Variants in PKD1L1 observed in about 807,000 individuals in gnomAD.
PKD1L1 encodes polycystin-1-like protein 1.
PKD1L1 carries 236 observed loss-of-function variants against 323.4 expected under a neutral mutation model. That is an observed-to-expected ratio of 0.73 (90% CI 0.66 to 0.81). The LOEUF is 0.81. Ranked by LOEUF, PKD1L1 falls within the 40% of genes least tolerant of loss-of-function variation. PKD1L1 has a pLI of 0.00. For missense variants in PKD1L1, 3,320 were observed against 3,508.0 expected (o/e 0.95, Z 1.35); for synonymous variants, 1,344 against 1,335.0 (o/e 1.01, Z -0.15).
At chr7:47,862,769 G>C (rs1413897530) in intron 26 of PKD1L1, among the ~76,000 whole-genome samples, 1 of 152,182 alleles carries the variant, frequency 6.6e-6, no homozygotes, top group African/African-American at 2.4e-5. Context: ...ACCCCTGGAG[G>C]ATGGTTAGGA....
At chr7:47,795,901 T>A in intron 55 of PKD1L1, 88 bp downstream of exon 55, 3 of 1,461,264 alleles carry the variant, frequency 2.1e-6, no homozygotes, top group Non-Finnish European at 2.8e-6. Flanking sequence ...ATACTCATGC[T>A]TTGATAACTG....
chr7:47,897,852 GA>G, intron 14 of PKD1L1, 135 bp downstream of exon 14: 2 of 623,322 alleles, frequency 3.2e-6, no homozygotes, highest in Admixed American at 3.8e-5. Context: ...ATCCAATGCA[GA>G]TTTTTTTTTT....
At chr7:47,843,686 C>T (rs117201011) in intron 33 of PKD1L1, among the ~76,000 whole-genome samples, 190 of 152,250 alleles carry the variant, frequency 1.2e-3, no homozygotes, top group South Asian at 3.5e-3. Context: ...CTCTACCTAC[C>T]TGTTCCCAGG....
intron 42 of PKD1L1, 110 bp from the exon 43 acceptor site, chr7:47,830,234 C>T (rs115471515): frequency 1.5e-5 from 13 of 867,058 alleles, no homozygotes; most frequent in South Asian, 3.2e-5. Flanking sequence ...ATGGCCTCGC[C>T]GTGGCAGGAA....
At chr7:47,931,728 A>G (rs1787774542) in intron 5 of PKD1L1, among the ~76,000 whole-genome samples, 1 of 152,250 alleles carries the variant, frequency 6.6e-6, no homozygotes, top group Non-Finnish European at 1.5e-5. Context: ...GCTCTTACAG[A>G]AAGCAAAAAT....
chr7:47,855,875 CAA>C (rs536157879), intron 28 of PKD1L1, among the ~76,000 whole-genome samples: 8 of 32,532 alleles, frequency 2.5e-4, no homozygotes, highest in African/African-American at 8.1e-4. Context: ...GACTCCGTCT[CAA>C]AAAAAAAAAA....
chr7:47,810,880 T>C (rs1784877404), intron 50 of PKD1L1, among the ~76,000 whole-genome samples: 1 of 152,152 alleles, frequency 6.6e-6, no homozygotes, highest in Non-Finnish European at 1.5e-5. Context: ...CCCTAACTCC[T>C]AGTGTGGATA....
chr7:47,918,709 A>G (rs917355795), intron 7 of PKD1L1, among the ~76,000 whole-genome samples: 1 of 152,212 alleles, frequency 6.6e-6, no homozygotes, highest in Non-Finnish European at 1.5e-5. Flanking sequence ...ATCAACTCCA[A>G]AAGGAACATT....
At chr7:47,921,690 T>A (rs7809519) in intron 7 of PKD1L1, among the ~76,000 whole-genome samples, 2 of 116,578 alleles carry the variant, frequency 1.7e-5, no homozygotes, top group South Asian at 2.3e-4. Flanking sequence ...TATATATATA[T>A]AATGAGATAC....
chr7:47,897,423 C>T lies in PKD1L1; in HGVS notation c.2271+565G>A, dbSNP rs540859229. On this transcript the variant is annotated intron_variant, in intron 14 of 56. Coordinates refer to ENST00000289672, the MANE Select transcript of PKD1L1 (RefSeq NM_138295.5). ...TGGTCTTCTTCTAGCCTTTGCCAAG[C>T]TGTTGCCCCTCCCAATCCCTTTCTA... 3.3e-5 allele frequency among the ~76,000 whole-genome samples: 5 copies of T among 152,386 alleles called. No homozygotes were observed. The East Asian group carries it at 9.6e-4, about 29-fold the overall frequency.
intron 26 of PKD1L1, among the ~76,000 whole-genome samples, chr7:47,860,114 TC>T (rs1237262158): frequency 1.3e-5 from 2 of 152,248 alleles, no homozygotes; most frequent in African/African-American, 4.8e-5. Context: ...ATTATTTTTA[TC>T]CATGAACACT....
intron 25 of PKD1L1, among the ~76,000 whole-genome samples, chr7:47,865,913 TA>T (rs66987984): frequency 0.32 from 49,317 of 151,922 alleles, 8,586 homozygotes; most frequent in African/African-American, 0.43. Flanking sequence ...GCAACATTTT[TA>T]AAAAGAGGAA....
chr7:47,939,733 T>A (rs527470207), intron 3 of PKD1L1, among the ~76,000 whole-genome samples: 1 of 152,292 alleles, frequency 6.6e-6, no homozygotes, highest in South Asian at 2.1e-4. Context: ...CTGGAAGCCT[T>A]GTCTGTGCTG....
In PKD1L1 at chr7:47,839,656, A is replaced by C. The variant is rs1398812031; in HGVS notation, c.5559T>G (p.Pro1853=). Residue 1853 remains proline, a synonymous_variant, in exon 36 of 57, where the codon CCT becomes CCG. Transcript: ENST00000289672. This position sits in a 1 kb window ranked among gnomAD's most constrained non-coding sequence, Gnocchi z 4.3. ...TCTTCCTCAGCAGGCCCAGTTGGGC[A>C]GGAGCGCTGGAGGCACACACAGCAG... ...NSRHTFILSA[P]AQLGLLRKIR... is the part of the protein sequence containing the mutation. 6.4e-7 allele frequency: 1 copy of C among 1,565,768 alleles called. No individual in the cohort carries two copies.
intron 24 of PKD1L1, among the ~76,000 whole-genome samples, chr7:47,871,752 C>T (rs1423646847): frequency 6.6e-6 from 1 of 152,168 alleles, no homozygotes; most frequent in African/African-American, 2.4e-5. Context: ...ACACAACAAA[C>T]TAGGAATAGA....
At chr7:47,851,892 C>G (rs533107526) in intron 31 of PKD1L1, among the ~76,000 whole-genome samples, 3 of 152,038 alleles carry the variant, frequency 2.0e-5, no homozygotes, top group African/African-American at 7.2e-5. Context: ...TATAAAAACA[C>G]AGCAACAAAA....
intron 19 of PKD1L1, among the ~76,000 whole-genome samples, chr7:47,884,010 C>T (rs78010573): frequency 0.047 from 7,188 of 152,212 alleles, 402 homozygotes; most frequent in African/African-American, 0.14. Flanking sequence ...TGCCAGGGAC[C>T]GTGATCCATC....
intron 8 of PKD1L1, among the ~76,000 whole-genome samples, chr7:47,909,267 G>A (rs1264981092): frequency 6.6e-6 from 1 of 152,150 alleles, no homozygotes; most frequent in African/African-American, 2.4e-5. Flanking sequence ...TGTCACAGGA[G>A]CAAATCTGTA....
At chr7:47,858,153 C>T (rs1057054545) in intron 27 of PKD1L1, among the ~76,000 whole-genome samples, 13 of 152,232 alleles carry the variant, frequency 8.5e-5, no homozygotes, top group Middle Eastern at 3.4e-3. Context: ...AGAAGAGGAA[C>T]GCCAGAAGCC....
Sources: allele counts gnomAD v4.1 joint callset (sites outside exome capture counted in the v4.1 genomes callset), GRCh38; gene constraint gnomAD v4.1.1; non-coding constraint Gnocchi (gnomAD v3.1); transcripts MANE v1.5; gene names NCBI Gene and HGNC (gene_info 2026-07-23, HGNC 2026-07-21).